The following CFAP46 variants were observed in gnomAD, a reference collection of about 807,000 sequenced individuals.
CFAP46 encodes cilia and flagella associated protein 46.
A neutral mutation model predicts 325.7 loss-of-function variants in CFAP46; 245 were observed. That is an observed-to-expected ratio of 0.75 (90% CI 0.68 to 0.84). The LOEUF is 0.84. Among genes scored for constraint, CFAP46 ranks in the 40% least tolerant of loss-of-function variants. The pLI, the probability that CFAP46 is intolerant of heterozygous loss-of-function variation, is 0.00. For synonymous variants in CFAP46, 1,523 were observed against 1,495.9 expected, an observed-to-expected ratio of 1.02 and a Z score of -0.42; for missense variants, 3,346 against 3,543.0, an observed-to-expected ratio of 0.94 and a Z score of 1.41.
In CFAP46 at chr10:132,903,045, C is replaced by A. The variant is rs548369713; in HGVS notation, c.2925-3379G>T. 2.7e-5 allele frequency among the ~76,000 whole-genome samples: 4 copies of A among 148,644 alleles called. No homozygotes were observed. The South Asian group carries it at 8.9e-4, about 33-fold the overall frequency. On this transcript the variant is annotated intron_variant, in intron 22 of 57. Coordinates refer to ENST00000368586, the MANE Select transcript of CFAP46 (RefSeq NM_001200049.3). ...TTGGCCACAGCTCCAACTTCTCTCA[C>A]CCCATTGCTAAGGTGTGTCTTTCTG... is the stretch of plus-strand genomic sequence containing the variant.
intron 27 of CFAP46, among the ~76,000 whole-genome samples, chr10:132,883,076 TATA>T (rs1202429020): frequency 6.6e-6 from 1 of 152,132 alleles, no homozygotes; most frequent in Non-Finnish European, 1.5e-5. Context: ...GTTTCGCAGA[TATA>T]ATGCCAGAAA....
At chr10:132,933,097 C>T (rs1319097263) in intron 8 of CFAP46, among the ~76,000 whole-genome samples, 3 of 152,354 alleles carry the variant, frequency 2.0e-5, no homozygotes, top group South Asian at 2.1e-4. Flanking sequence ...CGACTCAACT[C>T]GGCCCTCAGT....
chr10:132,903,925 T>G (rs1376772990), intron 22 of CFAP46, among the ~76,000 whole-genome samples: 2 of 152,198 alleles, frequency 1.3e-5, no homozygotes, highest in Non-Finnish European at 1.5e-5. Context: ...TAATATATAT[T>G]CCTTGACACT....
At chr10:132,940,873 G>GA (rs370807955) in intron 4 of CFAP46, 123 bp downstream of exon 4, 2 of 951,782 alleles carry the variant, frequency 2.1e-6, no homozygotes, top group African/African-American at 1.6e-5. Flanking sequence ...ACACGTGCAT[G>GA]AAAATCACAG....
rs1847524615 is a variant in CFAP46 at position 132,808,989 on chromosome 10, G to A, written c.7665-85C>T. On this transcript the variant is annotated intron_variant, in intron 57 of 57. Coordinates refer to ENST00000368586, the MANE Select transcript of CFAP46 (RefSeq NM_001200049.3). This position sits in a 1 kb window ranked among gnomAD's most constrained non-coding sequence, Gnocchi z 6.8. ...GAGGACCAGGGCACAGGGGCGGGAA[G>A]TGGCAGCTGCTCCAACTGAGGGCGC... 7.3e-7 allele frequency: 1 copy of A among 1,363,222 alleles called. No individual in the cohort carries two copies. 84.4% of individuals were successfully genotyped at this position (1,363,222 alleles called of 1,614,324 possible). A position where few individuals can be genotyped will look rare whatever the true frequency, so the allele number is the denominator to read the frequency against.
At chr10:132,812,515 G>T (rs1274509278) in intron 55 of CFAP46, among the ~76,000 whole-genome samples, 1 of 152,200 alleles carries the variant, frequency 6.6e-6, no homozygotes, top group Non-Finnish European at 1.5e-5. Flanking sequence ...GGGCTGGGTG[G>T]AGTGGGGGCA....
chr10:132,929,174 C>T (rs1477312828), intron 9 of CFAP46: 1 of 315,946 alleles, frequency 3.2e-6, no homozygotes, highest in Non-Finnish European at 5.8e-6. Flanking sequence ...CGATAAACTT[C>T]AATTTCTAAA....
chr10:132,839,621 A>T (rs1279496282), intron 44 of CFAP46, among the ~76,000 whole-genome samples: 1 of 152,168 alleles, frequency 6.6e-6, no homozygotes, highest in Non-Finnish European at 1.5e-5. Flanking sequence ...TCAATACTGT[A>T]CCATTAAATA....
At chr10:132,927,528 C>T (rs1263662031) in intron 9 of CFAP46, among the ~76,000 whole-genome samples, 2 of 152,218 alleles carry the variant, frequency 1.3e-5, no homozygotes, top group Non-Finnish European at 2.9e-5. Context: ...GGATGGAGAG[C>T]GCAGGAGGCC....
At chr10:132,824,836 CTGTG>C (rs1412232947) in intron 50 of CFAP46, among the ~76,000 whole-genome samples, 1 of 122,820 alleles carries the variant, frequency 8.1e-6, no homozygotes, top group Admixed American at 9.0e-5. Context: ...GCGCTGTGTG[CTGTG>C]TGAGCGCTGA....
At chr10:132,905,190 TGGA>T (rs1159150129) in intron 22 of CFAP46, among the ~76,000 whole-genome samples, 7 of 152,182 alleles carry the variant, frequency 4.6e-5, no homozygotes, top group Non-Finnish European at 1.0e-4. Flanking sequence ...ATCCTAAAAG[TGGA>T]ATATCAGTGA....
intron 50 of CFAP46, among the ~76,000 whole-genome samples, chr10:132,823,255 T>C (rs374051996): frequency 7.5e-6 from 1 of 133,044 alleles, no homozygotes; most frequent in East Asian, 2.5e-4. Context: ...AGCGCTGATG[T>C]GTGCTGTGTG....
At chr10:132,924,641 C>G in intron 11 of CFAP46, 55 bp downstream of exon 11, 1 of 1,391,396 alleles carries the variant, frequency 7.2e-7, no homozygotes, top group Non-Finnish European at 9.3e-7. Flanking sequence ...CCTCCTCTGT[C>G]TCCTCCTATG....
At chr10:132,833,189 G>A (rs1002050714) in intron 50 of CFAP46, among the ~76,000 whole-genome samples, 169 bp downstream of exon 50, 39 of 152,126 alleles carry the variant, frequency 2.6e-4, no homozygotes, top group Non-Finnish European at 4.6e-4. Context: ...TGCCCAGGCT[G>A]GTGAGTATTT....
At chr10:132,894,671 T>G (rs552780112) in intron 24 of CFAP46, among the ~76,000 whole-genome samples, 2 of 152,124 alleles carry the variant, frequency 1.3e-5, no homozygotes, top group South Asian at 4.2e-4. Context: ...TAAAAAGGAT[T>G]ATAAGAAAAT....
intron 50 of CFAP46, among the ~76,000 whole-genome samples, chr10:132,824,013 C>CTGT (rs1554875381): frequency 1.1e-5 from 1 of 90,352 alleles, no homozygotes; most frequent in Non-Finnish European, 2.1e-5. Flanking sequence ...TGTGTGTGTG[C>CTGT]TGTGTGCTGT....
rs758062880 is a variant in CFAP46, at chr10:132,812,822, A to G, written c.7464T>C (p.His2488=). The stretch of plus-strand genomic sequence containing the variant: ...TGGCGACCAATCTCTCCACTAATAT[A>G]TGGGACAGGAAGCTCTCCATTCCAT... The part of the protein sequence containing the change: ...FFYGMESFLS[H]ILVERLVAMN... Residue 2488 remains histidine (H), a synonymous_variant, in exon 55 of 58, where the codon CAT becomes CAC. Transcript: ENST00000368586. The G allele has an allele frequency of 6.2e-7, 1 of 1,612,234 alleles. No homozygotes were observed. The highest frequency in any genetic ancestry group is 1.7e-5 in the Admixed American group (1 of 60,004).
chr10:132,835,191 T>C, intron 47 of CFAP46, 113 bp downstream of exon 47: 1 of 1,428,190 alleles, frequency 7.0e-7, no homozygotes, highest in East Asian at 2.4e-5. Context: ...CCCAAGCCCT[T>C]CAGCAGCCTG....
At chr10:132,837,418 C>T (rs1330978676) in intron 44 of CFAP46, among the ~76,000 whole-genome samples, 5 of 151,920 alleles carry the variant, frequency 3.3e-5, no homozygotes, top group Admixed American at 3.3e-4. Flanking sequence ...CACAGACATG[C>T]ACGGACACAG....
Sources: allele counts gnomAD v4.1 joint callset (sites outside exome capture counted in the v4.1 genomes callset), GRCh38; gene constraint gnomAD v4.1.1; non-coding constraint Gnocchi (gnomAD v3.1); transcripts MANE v1.5; gene names NCBI Gene and HGNC (gene_info 2026-07-23, HGNC 2026-07-21).